Variants in NEGR1 observed in about 807,000 individuals in gnomAD.
NEGR1 encodes IgLON family member 4.
NEGR1 carries 10 observed loss-of-function variants against 40.9 expected under a neutral mutation model. The ratio of observed to expected loss-of-function variants is 0.24; its 90% CI spans 0.15 to 0.42. NEGR1 has a LOEUF of 0.42. Among genes scored for constraint, NEGR1 ranks in the 10% least tolerant of loss-of-function variants. NEGR1 has a pLI of 1.00. For synonymous variants in NEGR1, 185 were observed against 166.8 expected (o/e 1.11, Z -0.84); for missense variants, 352 against 438.9 (o/e 0.80, Z 1.77).
At chr1:71,605,064 G>A (rs1650035195) in intron 5 of NEGR1, among the ~76,000 whole-genome samples, 1 of 151,942 alleles carries the variant, frequency 6.6e-6, no homozygotes, top group African/African-American at 2.4e-5. Context: ...AATTATATTA[G>A]AGGAATAGGA....
At chr1:71,543,675 G>A (rs1047902629) in intron 6 of NEGR1, among the ~76,000 whole-genome samples, 1 of 151,568 alleles carries the variant, frequency 6.6e-6, no homozygotes, top group African/African-American at 2.4e-5. Flanking sequence ...AGAACAAACT[G>A]GTATCAAACT....
At chr1:71,781,159 T>C (rs567804883) in intron 2 of NEGR1, among the ~76,000 whole-genome samples, 2 of 152,358 alleles carry the variant, frequency 1.3e-5, no homozygotes, top group South Asian at 4.1e-4. Context: ...TTCATCATGC[T>C]GCCTGCAACA....
At chr1:72,078,213 C>A (rs1236194546) in intron 1 of NEGR1, among the ~76,000 whole-genome samples, 1 of 152,068 alleles carries the variant, frequency 6.6e-6, no homozygotes, top group Non-Finnish European at 1.5e-5. Context: ...TCAGACACAG[C>A]AGAGATGTGA....
At chr1:71,882,726 GAAAA>G (rs199916045) in intron 2 of NEGR1, among the ~76,000 whole-genome samples, 1 of 120,308 alleles carries the variant, frequency 8.3e-6, no homozygotes, top group Non-Finnish European at 1.8e-5. Context: ...ATCGTCTTCA[GAAAA>G]AAAAAAAAAA....
chr1:72,088,796 C>CTTTTTTTTTT (rs71074816), intron 1 of NEGR1, among the ~76,000 whole-genome samples: 9 of 74,918 alleles, frequency 1.2e-4, no homozygotes, highest in African/African-American at 2.3e-4. Flanking sequence ...CTCTCTCTCT[C>CTTTTTTTTTT]TTTTTTTTTT....
In NEGR1 at chr1:71,807,246, T is replaced by C. The variant is rs112366816; in HGVS notation, c.410-30949A>G. ...ACTGTATGGGACATTGTAAGAGTAA[T>C]TAGAAAGCATTTCATATTGTTTCTG... On this transcript the variant is annotated intron_variant, in intron 2 of 6. Transcript: ENST00000357731. Among the ~76,000 whole-genome samples, 79 of 152,174 alleles carry C rather than the reference T, an allele frequency of 5.2e-4. 1 individual carries two copies. Among genetic ancestry groups the C allele is most frequent in the African/African-American group, 1.9e-3 (78 of 41,522 alleles).
chr1:71,640,422 G>A (rs922421394), intron 4 of NEGR1, among the ~76,000 whole-genome samples: 4 of 151,974 alleles, frequency 2.6e-5, no homozygotes, highest in African/African-American at 9.7e-5. Flanking sequence ...ACACTCCTCT[G>A]GCCTTCCCTA....
At chr1:71,905,915 T>C (rs979797369) in intron 2 of NEGR1, among the ~76,000 whole-genome samples, 3 of 151,092 alleles carry the variant, frequency 2.0e-5, no homozygotes, top group African/African-American at 7.3e-5. Context: ...TTTAGTTTCC[T>C]ATGTAAGCAA....
chr1:72,158,842 A>G (rs1489337149), intron 1 of NEGR1, among the ~76,000 whole-genome samples: 1 of 152,176 alleles, frequency 6.6e-6, no homozygotes, highest in African/African-American at 2.4e-5. Flanking sequence ...CTTTAAAAAT[A>G]TGATGACTAT....
chr1:71,837,652 A>G (rs373844502), intron 2 of NEGR1, among the ~76,000 whole-genome samples: 81 of 152,222 alleles, frequency 5.3e-4, no homozygotes, highest in African/African-American at 1.9e-3. Flanking sequence ...TAAAGAGTAG[A>G]TAATCTTATG....
chr1:71,665,442 A>G (rs185887486), intron 4 of NEGR1, among the ~76,000 whole-genome samples: 6 of 152,302 alleles, frequency 3.9e-5, no homozygotes, highest in Admixed American at 3.9e-4. Context: ...TTCATTCTAT[A>G]AACATGTGTT....
At chr1:71,483,347 A>T (rs1050198206) in intron 6 of NEGR1, among the ~76,000 whole-genome samples, 15 of 151,940 alleles carry the variant, frequency 9.9e-5, no homozygotes, top group African/African-American at 3.1e-4. Context: ...TGAGGAAAGG[A>T]ATGACATAAT....
intron 4 of NEGR1, among the ~76,000 whole-genome samples, chr1:71,689,075 T>G (rs1054824068): frequency 2.6e-5 from 4 of 152,192 alleles, no homozygotes; most frequent in African/African-American, 9.6e-5. Flanking sequence ...TTCTCTGAAA[T>G]TTACGTCTTT....
chr1:71,940,457 G>A (rs61765309), intron 1 of NEGR1, among the ~76,000 whole-genome samples: 17,966 of 152,114 alleles, frequency 0.12, 1,154 homozygotes, highest in Middle Eastern at 0.21. Flanking sequence ...TGGATATTTT[G>A]TGCACATAGT....
intron 2 of NEGR1, among the ~76,000 whole-genome samples, chr1:71,851,543 A>G (rs996706433): frequency 6.6e-6 from 1 of 152,150 alleles, no homozygotes; most frequent in Admixed American, 6.6e-5. Context: ...ATAAGCTCCA[A>G]CTATGCACAG....
intron 1 of NEGR1, among the ~76,000 whole-genome samples, chr1:72,265,554 T>G (rs1297085574): frequency 1.7e-4 from 25 of 150,900 alleles, no homozygotes; most frequent in Admixed American, 1.7e-3. Context: ...ATGCAATCAA[T>G]AAACTATTTA....
intron 1 of NEGR1, among the ~76,000 whole-genome samples, chr1:72,141,121 G>A (rs977019373): frequency 1.3e-5 from 2 of 151,912 alleles, no homozygotes; most frequent in African/African-American, 4.8e-5. Flanking sequence ...TGAGAAAAGG[G>A]AAAGGAAAGA....
chr1:71,704,406 A>G (rs1206617937), intron 3 of NEGR1, among the ~76,000 whole-genome samples: 3 of 152,004 alleles, frequency 2.0e-5, no homozygotes, highest in Non-Finnish European at 2.9e-5. Context: ...AACCAGACTA[A>G]TAAAGAACAA....
chr1:71,885,492 G>A (rs147066306), intron 2 of NEGR1, among the ~76,000 whole-genome samples: 17 of 152,122 alleles, frequency 1.1e-4, no homozygotes, highest in African/African-American at 3.4e-4. Flanking sequence ...AGGAAAATTC[G>A]CACGTTAGCT....
Sources: allele counts gnomAD v4.1 joint callset (sites outside exome capture counted in the v4.1 genomes callset), GRCh38; gene constraint gnomAD v4.1.1; transcripts MANE v1.5; gene names NCBI Gene and HGNC (gene_info 2026-07-23, HGNC 2026-07-21).